The following MVB12B variants were observed in gnomAD, a reference collection of about 807,000 sequenced individuals.
The protein encoded by MVB12B is ESCRT-I complex subunit MVB12B.
Under a neutral mutation model 41.6 loss-of-function variants are expected in MVB12B, and 16 were observed. That is an observed-to-expected ratio of 0.38 (90% CI 0.26 to 0.58). MVB12B has a LOEUF of 0.58. Among genes scored for constraint, MVB12B ranks in the 20% least tolerant of loss-of-function variants. The pLI is 0.62. For synonymous variants in MVB12B, 133 were observed against 139.7 expected (o/e 0.95, Z 0.34); for missense variants, 274 against 380.2 (o/e 0.72, Z 2.32).
chr9:126,338,575 T>A (rs1174359503), intron 1 of MVB12B, among the ~76,000 whole-genome samples: 1 of 146,448 alleles, frequency 6.8e-6, no homozygotes, highest in Non-Finnish European at 1.5e-5. Flanking sequence ...CATACTATCT[T>A]AAAAAAAAAA....
At chr9:126,327,131 C>T (rs1829000410) in intron 1 of MVB12B, 121 bp downstream of exon 1, 1 of 435,288 alleles carries the variant, frequency 2.3e-6, no homozygotes, top group Non-Finnish European at 3.0e-6. Flanking sequence ...CGGGCCGCGC[C>T]GAGGCCTGCG....
chr9:126,403,348 G>C (rs1206281575), intron 6 of MVB12B, among the ~76,000 whole-genome samples: 1 of 152,128 alleles, frequency 6.6e-6, no homozygotes, highest in Non-Finnish European at 1.5e-5. Context: ...GAAGAGTTAG[G>C]CTGGACTCCA....
intron 4 of MVB12B, among the ~76,000 whole-genome samples, chr9:126,390,568 G>A (rs965339262): frequency 2.6e-5 from 4 of 152,198 alleles, no homozygotes; most frequent in Non-Finnish European, 2.9e-5. Context: ...AAAGAATCAC[G>A]TGCTTATCCT....
At chr9:126,441,315 A>G (rs1455827007) in intron 7 of MVB12B, among the ~76,000 whole-genome samples, 2 of 152,202 alleles carry the variant, frequency 1.3e-5, no homozygotes, top group East Asian at 3.9e-4. Flanking sequence ...TCATCTGACC[A>G]TCAATGAATT....
intron 7 of MVB12B, among the ~76,000 whole-genome samples, chr9:126,471,379 C>CTCCG (rs1286161035): frequency 6.6e-6 from 1 of 152,256 alleles, no homozygotes; most frequent in African/African-American, 2.4e-5. Context: ...GGCGCCTGTG[C>CTCCG]TCCGTCCTCC....
intron 7 of MVB12B, among the ~76,000 whole-genome samples, chr9:126,465,143 G>A (rs1301057184): frequency 6.6e-6 from 1 of 152,166 alleles, no homozygotes; most frequent in Admixed American, 6.5e-5. Flanking sequence ...CATGTAGGAT[G>A]GACCAACTTA....
chr9:126,499,765 G>GA (rs61413272), intron 9 of MVB12B, among the ~76,000 whole-genome samples: 37,267 of 152,086 alleles, frequency 0.25, 4,875 homozygotes, highest in South Asian at 0.29. Flanking sequence ...CCTAAAAAGG[G>GA]AAAAAATCCC....
chr9:126,480,093 C>T lies in MVB12B; in HGVS notation c.758-1276C>T, dbSNP rs980001379. Among the ~76,000 whole-genome samples the T allele has an allele frequency of 3.9e-5, 6 of 152,160 alleles. No homozygotes were observed. Among genetic ancestry groups the T allele is most frequent in the African/African-American group, 9.7e-5 (4 of 41,444 alleles). On this transcript the variant is annotated intron_variant, in intron 7 of 9. Transcript: ENST00000361171. The surrounding 1 kb of genome is among the most constrained non-coding windows in gnomAD (Gnocchi z 4.9). The stretch of plus-strand genomic sequence containing the variant: ...TTGTTGGTCCCAGGAGCGCACTGCC[C>T]GACGCTGCCCCCATGCTCTACCTTG...
At chr9:126,328,098 T>C (rs1438444830) in intron 1 of MVB12B, among the ~76,000 whole-genome samples, 1 of 152,232 alleles carries the variant, frequency 6.6e-6, no homozygotes, top group Non-Finnish European at 1.5e-5. Context: ...ATAAGCTCTG[T>C]GAAGCCTTGA....
rs1412914953 is a variant in MVB12B, at chr9:126,478,479, AC to A, written c.758-2889del. ...CACCTACAATAAGAGGAGAGGAGAC[AC>A]GGGCCTGGCCAGACCCCAGGGAGGA... is the stretch of plus-strand genomic sequence containing the variant. On this transcript the variant is annotated intron_variant, in intron 7 of 9. Transcript: ENST00000361171. The surrounding 1 kb of genome is among the most constrained non-coding windows in gnomAD (Gnocchi z 4.2). 6.6e-6 allele frequency among the ~76,000 whole-genome samples: 1 copy of A among 152,176 alleles called. No homozygotes were observed. The highest frequency in any genetic ancestry group is 1.5e-5 in the Non-Finnish European group (1 of 68,034).
intron 6 of MVB12B, among the ~76,000 whole-genome samples, chr9:126,420,317 G>A (rs2119085957): frequency 6.6e-6 from 1 of 152,336 alleles, no homozygotes; most frequent in South Asian, 2.1e-4. Flanking sequence ...TGCACCCGGT[G>A]GACACACTTA....
rs531219832 is a variant in MVB12B at position 126,345,078 on chromosome 9, C to T, written c.204+4448C>T. The stretch of plus-strand genomic sequence containing the variant: ...GAGACCAAACTTACTTTTAGTGAGA[C>T]CTTTCTGGGACTTTGGGGATAATGG... On this transcript the variant is annotated intron_variant, in intron 2 of 9. Coordinates refer to ENST00000361171, the MANE Select transcript of MVB12B (RefSeq NM_033446.3). 5.9e-5 allele frequency among the ~76,000 whole-genome samples: 9 copies of T among 152,156 alleles called. No homozygotes were observed. In the East Asian group the frequency reaches 1.7e-3, roughly 29 times the overall value.
At chr9:126,488,503 G>A (rs1275095444) in intron 9 of MVB12B, among the ~76,000 whole-genome samples, 1 of 152,166 alleles carries the variant, frequency 6.6e-6, no homozygotes, top group Non-Finnish European at 1.5e-5. Flanking sequence ...TCCAGGGGGA[G>A]GCTGCTCTGT....
chr9:126,457,071 C>T (rs143948595), intron 7 of MVB12B, among the ~76,000 whole-genome samples: 111 of 152,316 alleles, frequency 7.3e-4, no homozygotes, highest in African/African-American at 2.2e-3. Flanking sequence ...CAAACCCTTT[C>T]TCATTTCCAC....
intron 1 of MVB12B, among the ~76,000 whole-genome samples, chr9:126,339,655 C>T (rs1829383155): frequency 6.6e-6 from 1 of 152,148 alleles, no homozygotes; most frequent in Non-Finnish European, 1.5e-5. Flanking sequence ...TGAGTAAGTG[C>T]CCACATGACC....
At chr9:126,336,606 C>T (rs970658146) in intron 1 of MVB12B, among the ~76,000 whole-genome samples, 23 of 152,216 alleles carry the variant, frequency 1.5e-4, no homozygotes, top group African/African-American at 5.5e-4. Flanking sequence ...CAGGCTTGCT[C>T]CTGGCTTTGT....
chr9:126,452,585 G>T (rs1832905834), intron 7 of MVB12B, among the ~76,000 whole-genome samples: 1 of 152,198 alleles, frequency 6.6e-6, no homozygotes, highest in African/African-American at 2.4e-5. Flanking sequence ...GAAATAACAA[G>T]GCAGCTGTTC....
intron 7 of MVB12B, among the ~76,000 whole-genome samples, chr9:126,435,402 T>TA (rs1832444041): frequency 6.6e-6 from 1 of 152,176 alleles, no homozygotes; most frequent in Non-Finnish European, 1.5e-5. Context: ...CCCTCCCTTC[T>TA]AGTTCAGAAA....
chr9:126,495,682 AC>A (rs1833815005), intron 9 of MVB12B, among the ~76,000 whole-genome samples: 1 of 151,754 alleles, frequency 6.6e-6, no homozygotes, highest in Non-Finnish European at 1.5e-5. Flanking sequence ...TCCACCCACC[AC>A]CCACCTGTGA....
Sources: gnomAD v4.1 joint callset for allele counts (sites outside exome capture counted in the v4.1 genomes callset) on GRCh38, gnomAD v4.1.1 for gene constraint, Gnocchi (gnomAD v3.1) non-coding constraint, MANE v1.5 for transcripts, NCBI Gene and HGNC (gene_info 2026-07-23, HGNC 2026-07-21) for gene names.